LRIG1: variants seen among roughly 807,000 people sequenced by gnomAD.
LRIG1 encodes leucine-rich repeats and immunoglobulin-like domains protein 1.
In LRIG1, 48 loss-of-function variants were observed where a neutral mutation model predicts 99.2. The observed-to-expected ratio is 0.48, with a 90% CI of 0.38 to 0.62. The LOEUF (loss-of-function observed/expected upper bound fraction) is 0.62, where lower values mean the gene tolerates loss of function less well. Ranked by LOEUF, LRIG1 falls within the 20% of genes least tolerant of loss-of-function variation. The probability of loss-of-function intolerance (pLI) is 0.00; values close to 1 mark genes in which losing one functional copy is unlikely to be tolerated. For missense variants in LRIG1, 1,646 were observed against 1,434.4 expected, an observed-to-expected ratio of 1.15 and a Z score of -2.38; for synonymous variants, 772 against 596.1, an observed-to-expected ratio of 1.29 and a Z score of -4.30.
chr3:66,458,625 C>A (rs1388591075), intron 2 of LRIG1, among the ~76,000 whole-genome samples: 2 of 152,038 alleles, frequency 1.3e-5, no homozygotes, highest in Non-Finnish European at 1.5e-5. Context: ...TCACTTGAAC[C>A]CAGGAGGTGG....
intron 15 of LRIG1, 36 bp from the exon 16 acceptor site, chr3:66,382,434 T>C: frequency 6.2e-7 from 1 of 1,613,652 alleles, no homozygotes. Flanking sequence ...CACCAGGGTC[T>C]CAGTGACAAG....
At chr3:66,438,766 C>T (rs537173675) in intron 3 of LRIG1, among the ~76,000 whole-genome samples, 1 of 152,298 alleles carries the variant, frequency 6.6e-6, no homozygotes, top group Admixed American at 6.5e-5. Context: ...CAAAAATGGA[C>T]CAATGCCCTC....
At chr3:66,443,394 A>G (rs1189637136) in intron 3 of LRIG1, among the ~76,000 whole-genome samples, 1 of 150,338 alleles carries the variant, frequency 6.7e-6, no homozygotes, top group East Asian at 2.2e-4. Flanking sequence ...AAATTGGCCT[A>G]AAGATGGAAT....
At chr3:66,415,765 C>G (rs574431895) in intron 4 of LRIG1, among the ~76,000 whole-genome samples, 1 of 152,166 alleles carries the variant, frequency 6.6e-6, no homozygotes, top group Non-Finnish European at 1.5e-5. Context: ...GTGCATCTTG[C>G]TGTATGCAAA....
intron 8 of LRIG1, chr3:66,406,049 T>C: frequency 1.0e-6 from 1 of 986,898 alleles, no homozygotes; most frequent in Non-Finnish European, 1.2e-6. Context: ...TTCTTAAATT[T>C]TCCCCCCGAG....
chr3:66,394,241 C>A, intron 11 of LRIG1, 38 bp from the exon 12 acceptor site: 1 of 1,523,604 alleles, frequency 6.6e-7, no homozygotes, highest in South Asian at 1.3e-5. Flanking sequence ...CAGGTGCAGC[C>A]GCAAAGGAGG....
intron 6 of LRIG1, among the ~76,000 whole-genome samples, chr3:66,412,612 A>C (rs570768301): frequency 1.2e-4 from 18 of 152,306 alleles, no homozygotes; most frequent in African/African-American, 4.3e-4. Context: ...GTCTTGAAGA[A>C]TCCTTCAGGA....
chr3:66,393,691 A>G (rs1701715986), intron 12 of LRIG1, among the ~76,000 whole-genome samples: 1 of 152,232 alleles, frequency 6.6e-6, no homozygotes. Flanking sequence ...AGAAACACAC[A>G]TTAAAACGCC....
chr3:66,445,650 G>C (rs1703692191), intron 3 of LRIG1, among the ~76,000 whole-genome samples: 1 of 152,190 alleles, frequency 6.6e-6, no homozygotes, highest in South Asian at 2.1e-4. Context: ...TCCCTCCAAA[G>C]ATAAACATCA....
intron 7 of LRIG1, among the ~76,000 whole-genome samples, chr3:66,409,075 T>G (rs915844704): frequency 3.3e-5 from 5 of 151,824 alleles, no homozygotes; most frequent in African/African-American, 1.2e-4. Context: ...ACGCATCCCC[T>G]TGAGTTTGCC....
rs114540850 is a variant in LRIG1, at chr3:66,426,849, T to A, written c.366-9583A>T. Among the ~76,000 whole-genome samples the A allele has an allele frequency of 5.0e-3, 755 of 152,310 alleles. 10 individuals carry two copies. Among genetic ancestry groups the A allele is most frequent in the African/African-American group, 0.013 (559 of 41,560 alleles). On this transcript the variant is annotated intron_variant, in intron 3 of 18. Coordinates refer to ENST00000273261, the MANE Select transcript of LRIG1 (RefSeq NM_015541.3). Reference sequence around the variant, plus strand: ...TCCATCCCTAAGATCTAAGAAGCTGTGCCCTTCCGCCCTTCCAGACAATTA... The same window carrying A: ...TCCATCCCTAAGATCTAAGAAGCTGAGCCCTTCCGCCCTTCCAGACAATTA...
At chr3:66,473,690 C>T (rs908046578) in intron 1 of LRIG1, among the ~76,000 whole-genome samples, 3 of 152,204 alleles carry the variant, frequency 2.0e-5, no homozygotes, top group Non-Finnish European at 2.9e-5. Flanking sequence ...CGAATTTACC[C>T]ACAACTTTTC....
intron 1 of LRIG1, 140 bp downstream of exon 1, chr3:66,500,050 G>A: frequency 3.2e-6 from 2 of 630,268 alleles, no homozygotes; most frequent in East Asian, 3.4e-5. Context: ...CAACCTGACA[G>A]TCTTCCAACA....
Position 66,419,312 on chromosome 3 carries a change from G to A in LRIG1, c.366-2046C>T, listed in dbSNP as rs775068594. Among the ~76,000 whole-genome samples the A allele has an allele frequency of 7.2e-5, 11 of 152,250 alleles. No homozygotes were observed. In the South Asian group the frequency reaches 2.1e-3, roughly 29 times the overall value. On this transcript the variant is annotated intron_variant, in intron 3 of 18. Coordinates refer to ENST00000273261, the MANE Select transcript of LRIG1 (RefSeq NM_015541.3). ...TGTGGTCCGGTACCTTTTGCTCCTT[G>A]TCAGTCTTTTCATTCGCTGAATCAA...
At position 66,451,696 on chromosome 3, in the gene LRIG1, A is replaced by G; in HGVS notation, c.291-63T>C. The G allele has an allele frequency of 4.1e-6, 5 of 1,231,468 alleles. No homozygotes were observed. In the South Asian group the frequency reaches 6.2e-5, roughly 15 times the overall value. 76.3% of individuals were successfully genotyped at this position (1,231,468 alleles called of 1,614,324 possible). The stretch of plus-strand genomic sequence containing the variant: ...TGAATTAGTCTGAAATCATACACAT[A>G]CAACAGAAATAAACAAACGCTGCTA... On this transcript the variant is annotated intron_variant, in intron 2 of 18. Coordinates refer to ENST00000273261, the MANE Select transcript of LRIG1 (RefSeq NM_015541.3).
intron 1 of LRIG1, among the ~76,000 whole-genome samples, chr3:66,488,304 A>G (rs948610436): frequency 3.3e-5 from 5 of 152,060 alleles, no homozygotes; most frequent in Non-Finnish European, 7.4e-5. Context: ...GAATTTGGCC[A>G]AAAACAGAGT....
intron 10 of LRIG1, among the ~76,000 whole-genome samples, 176 bp from the exon 11 acceptor site, chr3:66,398,359 C>G (rs1261006333): frequency 6.6e-6 from 1 of 152,196 alleles, no homozygotes; most frequent in African/African-American, 2.4e-5. Flanking sequence ...GACTCAGGAG[C>G]CAAGCCAGCC....
At chr3:66,469,907 C>CAAAAAAAA (rs55768550) in intron 1 of LRIG1, among the ~76,000 whole-genome samples, 1 of 115,802 alleles carries the variant, frequency 8.6e-6, no homozygotes, top group Admixed American at 9.7e-5. Context: ...CTGTCCCTAC[C>CAAAAAAAA]AAAAAAAAAA....
intron 7 of LRIG1, 44 bp downstream of exon 7, chr3:66,410,085 A>G (rs200754817): frequency 1.8e-5 from 29 of 1,568,552 alleles, no homozygotes; most frequent in Non-Finnish European, 2.4e-5. Context: ...ACCTCCAAGC[A>G]GTGTCTAAAA....
Sources: allele counts gnomAD v4.1 joint callset (sites outside exome capture counted in the v4.1 genomes callset), GRCh38; gene constraint gnomAD v4.1.1; transcripts MANE v1.5; gene names NCBI Gene and HGNC (gene_info 2026-07-23, HGNC 2026-07-21).